FBXL17: variants seen among roughly 807,000 people sequenced by gnomAD.
FBXL17 encodes F-box and leucine rich repeat protein 17.
FBXL17 carries 22 observed loss-of-function variants against 66.2 expected under a neutral mutation model. The observed-to-expected ratio is 0.33, with a 90% CI of 0.24 to 0.47. FBXL17 has a LOEUF of 0.47. Among genes scored for constraint, FBXL17 ranks in the 20% least tolerant of loss-of-function variants. FBXL17 has a pLI of 1.00. For missense variants in FBXL17, 878 were observed against 948.2 expected, an observed-to-expected ratio of 0.93 and a Z score of 0.97; for synonymous variants, 474 against 400.5, an observed-to-expected ratio of 1.18 and a Z score of -2.19.
chr5:108,266,806 G>C (rs1410231969), intron 4 of FBXL17, among the ~76,000 whole-genome samples: 2 of 152,122 alleles, frequency 1.3e-5, no homozygotes, highest in East Asian at 1.9e-4. Flanking sequence ...GCTTAGATAA[G>C]ATGGAAAAGG....
chr5:107,859,350 A>G lies in FBXL17; in HGVS notation c.*2370T>C, dbSNP rs1017044739. 7 of 149,222 alleles carry G rather than the reference A, an allele frequency of 4.7e-5. No homozygotes were observed. Among genetic ancestry groups the G allele is most frequent in the Admixed American group, 4.7e-4 (7 of 15,004 alleles). 9.2% of individuals were successfully genotyped at this position (149,222 alleles called of 1,614,324 possible). A position where few individuals can be genotyped will look rare whatever the true frequency, so the allele number is the denominator to read the frequency against. ...GCATCTAATGAGAACACATTCAACA[A>G]CCATCACAGGACCACTCAAGGTGAT... On this transcript the variant is annotated 3_prime_UTR_variant, in exon 9 of 9. Coordinates refer to ENST00000542267, the MANE Select transcript of FBXL17 (RefSeq NM_001163315.3).
intron 6 of FBXL17, among the ~76,000 whole-genome samples, chr5:108,173,559 G>A (rs1033128877): frequency 1.3e-5 from 2 of 152,114 alleles, no homozygotes; most frequent in Admixed American, 6.5e-5. Flanking sequence ...CCTTTAACAC[G>A]TGTTTCTCTA....
At chr5:108,147,781 AGAGAT>A (rs1323800822) in intron 6 of FBXL17, among the ~76,000 whole-genome samples, 1 of 152,174 alleles carries the variant, frequency 6.6e-6, no homozygotes, top group Non-Finnish European at 1.5e-5. Flanking sequence ...AAGATAGAGA[AGAGAT>A]ATTAAAACCT....
At chr5:108,154,419 C>T (rs937245010) in intron 6 of FBXL17, among the ~76,000 whole-genome samples, 1 of 150,670 alleles carries the variant, frequency 6.6e-6, no homozygotes, top group African/African-American at 2.4e-5. Flanking sequence ...GGAGAAACCC[C>T]GTCTCTACTA....
chr5:108,334,778 A>G (rs1760297630), intron 4 of FBXL17, among the ~76,000 whole-genome samples: 1 of 152,216 alleles, frequency 6.6e-6, no homozygotes, highest in South Asian at 2.1e-4. Flanking sequence ...TAATTCAACT[A>G]TAAAGCTTTA....
At chr5:108,040,350 G>T (rs4144478) in intron 6 of FBXL17, among the ~76,000 whole-genome samples, 8 of 151,840 alleles carry the variant, frequency 5.3e-5, no homozygotes, top group Admixed American at 6.6e-5. Context: ...TCTAGAGTGT[G>T]GTCTAGCATT....
intron 6 of FBXL17, among the ~76,000 whole-genome samples, chr5:108,076,061 T>C (rs1371006427): frequency 6.6e-6 from 1 of 152,214 alleles, no homozygotes; most frequent in Non-Finnish European, 1.5e-5. Context: ...GAAATGTCTT[T>C]AGAATTTCAA....
chr5:108,255,858 C>T (rs1756555356), intron 4 of FBXL17, among the ~76,000 whole-genome samples: 1 of 152,026 alleles, frequency 6.6e-6, no homozygotes, highest in African/African-American at 2.4e-5. Context: ...TTGTTCCTGC[C>T]AATTGAATTT....
At chr5:108,098,878 T>C (rs1221452787) in intron 6 of FBXL17, among the ~76,000 whole-genome samples, 2 of 152,172 alleles carry the variant, frequency 1.3e-5, no homozygotes, top group Non-Finnish European at 2.9e-5. Context: ...CATGTTTACA[T>C]GTTGATATCA....
intron 3 of FBXL17, among the ~76,000 whole-genome samples, chr5:108,348,831 G>T (rs6870333): frequency 0.016 from 2,482 of 152,162 alleles, 76 homozygotes; most frequent in African/African-American, 0.056. Flanking sequence ...TAAAGACAGG[G>T]TCTCACTGTG....
At chr5:108,065,748 C>T (rs1203708948) in intron 6 of FBXL17, among the ~76,000 whole-genome samples, 1 of 152,064 alleles carries the variant, frequency 6.6e-6, no homozygotes, top group Non-Finnish European at 1.5e-5. Context: ...TTAAAAGAGT[C>T]TCCTTTCCCA....
chr5:107,905,532 A>G (rs1039492006), intron 7 of FBXL17, among the ~76,000 whole-genome samples: 1 of 152,202 alleles, frequency 6.6e-6, no homozygotes, highest in African/African-American at 2.4e-5. Context: ...GAAATAACAT[A>G]TACTGAGTAT....
chr5:108,016,908 T>G (rs1323056852), intron 7 of FBXL17, among the ~76,000 whole-genome samples: 2 of 151,818 alleles, frequency 1.3e-5, no homozygotes, highest in African/African-American at 4.8e-5. Flanking sequence ...GCCTCTCGAG[T>G]AGCTGGGATT....
chr5:108,381,551 C>G lies in FBXL17; in HGVS notation c.141G>C (p.Ala47=). 7.0e-7 allele frequency: 1 copy of G among 1,428,310 alleles called. No homozygotes were observed. The highest frequency in any genetic ancestry group is 9.1e-7 in the Non-Finnish European group (1 of 1,099,554). The allele number at this position is 1,428,310 out of a possible 1,614,324, so 88.5% of individuals were successfully genotyped here. ...GGAAGAAGCAGTCCCGGCTCCGGGG[C>G]GCCGCCGGCTGAGGGGGCACCTTGG... is the stretch of plus-strand genomic sequence containing the variant. The part of the protein sequence containing the change: ...TPAKVPPQPA[A]PRSRDCFFRG... Residue 47 remains alanine, a synonymous_variant, in exon 1 of 9, where the codon GCG becomes GCC. Coordinates refer to ENST00000542267, the MANE Select transcript of FBXL17 (RefSeq NM_001163315.3).
chr5:108,113,983 G>A (rs1286202310), intron 6 of FBXL17, among the ~76,000 whole-genome samples: 1 of 152,076 alleles, frequency 6.6e-6, no homozygotes, highest in African/African-American at 2.4e-5. Context: ...TTTACACATA[G>A]AACAAATGTA....
At position 108,381,390 on chromosome 5, in the gene FBXL17, G is replaced by A. The variant is rs1401507720; in HGVS notation, c.302C>T (p.Ala101Val). The A allele has an allele frequency of 3.0e-6, 4 of 1,324,780 alleles. No individual in the cohort carries two copies. The highest frequency in any genetic ancestry group is 2.2e-5 in the South Asian group (1 of 46,460). 82.1% of individuals were successfully genotyped at this position (1,324,780 alleles called of 1,614,324 possible). ...GGCGGCCAGGGCCGCGTAGCGCCGCGCCAGGTGCTGAGAGGAGGAGGCGGC... is the reference window on the plus strand; with the variant it reads ...GGCGGCCAGGGCCGCGTAGCGCCGCACCAGGTGCTGAGAGGAGGAGGCGGC... ...YAAASSSQHL[A>V]RRYAALAAED... The change falls in exon 1 of 9, where the codon GCG (alanine) becomes GTG (valine). Residue 101 changes from alanine to valine, a missense_variant. Physicochemically the swap from Ala to Val is moderately conservative, Grantham distance 64. This residue lies in a region of FBXL17 where 605 missense variants were observed against 509.5 expected (regional missense o/e 1.19). Coordinates refer to ENST00000542267, the MANE Select transcript of FBXL17 (RefSeq NM_001163315.3).
At chr5:107,931,944 CTGGTTTATATAA>C (rs1259229011) in intron 7 of FBXL17, among the ~76,000 whole-genome samples, 1 of 152,116 alleles carries the variant, frequency 6.6e-6, no homozygotes, top group African/African-American at 2.4e-5. Context: ...TTATTAATCA[CTGGTTTATATAA>C]TAAGATGGCT....
At chr5:108,329,263 G>C (rs1348221875) in intron 4 of FBXL17, among the ~76,000 whole-genome samples, 3 of 152,060 alleles carry the variant, frequency 2.0e-5, no homozygotes, top group Non-Finnish European at 4.4e-5. Context: ...AATAAAGATG[G>C]AAGTCCTGAA....
intron 7 of FBXL17, among the ~76,000 whole-genome samples, chr5:107,967,098 A>G (rs1752172158): frequency 6.6e-6 from 1 of 152,124 alleles, no homozygotes; most frequent in Admixed American, 6.6e-5. Flanking sequence ...TATCTACCCA[A>G]GGTACCTTCC....
Sources: allele counts gnomAD v4.1 joint callset (sites outside exome capture counted in the v4.1 genomes callset), GRCh38; gene constraint gnomAD v4.1.1; regional missense constraint gnomAD v4.1.1; transcripts MANE v1.5; gene names NCBI Gene and HGNC (gene_info 2026-07-23, HGNC 2026-07-21).